GRM8: variants seen among roughly 807,000 people sequenced by gnomAD.
GRM8 encodes glutamate metabotropic receptor 8, also known as metabotropic glutamate receptor 8.
A neutral mutation model predicts 87.2 loss-of-function variants in GRM8; 47 were observed. The ratio of observed to expected loss-of-function variants is 0.54; its 90% CI spans 0.43 to 0.69. The LOEUF is 0.69. GRM8 is among the 30% of genes least tolerant of loss of function. GRM8 has a pLI of 0.00. For missense variants in GRM8, 1,019 were observed against 1,139.2 expected, an observed-to-expected ratio of 0.89 and a Z score of 1.52; for synonymous variants, 396 against 404.5, an observed-to-expected ratio of 0.98 and a Z score of 0.25.
At chr7:127,041,520 TA>T (rs1179348995) in intron 3 of GRM8, among the ~76,000 whole-genome samples, 1 of 152,236 alleles carries the variant, frequency 6.6e-6, no homozygotes, top group Non-Finnish European at 1.5e-5. Context: ...TAACAAAATG[TA>T]TTCTCTACCA....
intron 8 of GRM8, among the ~76,000 whole-genome samples, chr7:126,606,238 T>C (rs892688727): frequency 6.6e-6 from 1 of 152,128 alleles, no homozygotes; most frequent in African/African-American, 2.4e-5. Flanking sequence ...CAAACTCAAG[T>C]CCCTCTTCTA....
intron 7 of GRM8, among the ~76,000 whole-genome samples, chr7:126,747,619 C>T (rs1336433610): frequency 2.6e-5 from 4 of 151,972 alleles, no homozygotes; most frequent in African/African-American, 9.7e-5. Context: ...AACATATTAA[C>T]CAACCTTATT....
intron 2 of GRM8, among the ~76,000 whole-genome samples, chr7:127,143,443 ACTTG>A (rs1282663082): frequency 6.6e-6 from 1 of 152,092 alleles, no homozygotes; most frequent in African/African-American, 2.4e-5. Context: ...TCTCAAAATA[ACTTG>A]CTTATTTAAT....
chr7:126,653,128 T>C (rs1215161652), intron 7 of GRM8, among the ~76,000 whole-genome samples: 1 of 151,922 alleles, frequency 6.6e-6, no homozygotes, highest in African/African-American at 2.4e-5. Flanking sequence ...ATAGTGAGAA[T>C]ACATGTCTAC....
intron 7 of GRM8, among the ~76,000 whole-genome samples, chr7:126,757,151 T>C (rs1034417888): frequency 6.6e-6 from 1 of 152,204 alleles, no homozygotes; most frequent in Non-Finnish European, 1.5e-5. Context: ...AAATATATTT[T>C]ATCTTTATTA....
At chr7:126,910,670 C>G (rs2131287850) in intron 3 of GRM8, among the ~76,000 whole-genome samples, 1 of 152,232 alleles carries the variant, frequency 6.6e-6, no homozygotes, top group East Asian at 1.9e-4. Flanking sequence ...ACTACCTAGG[C>G]CTTAGTGTAT....
intron 6 of GRM8, among the ~76,000 whole-genome samples, chr7:126,823,040 A>G (rs1794448054): frequency 6.6e-6 from 1 of 152,240 alleles, no homozygotes; most frequent in South Asian, 2.1e-4. Flanking sequence ...GATTTATTTT[A>G]TGCCACCAAA....
At chr7:127,146,913 T>A (rs1349000490) in intron 2 of GRM8, among the ~76,000 whole-genome samples, 1 of 151,964 alleles carries the variant, frequency 6.6e-6, no homozygotes, top group Non-Finnish European at 1.5e-5. Flanking sequence ...AAAGAAAGGA[T>A]CTCCAACTTA....
At chr7:126,714,278 AAATAATAAT>A (rs143180604) in intron 7 of GRM8, among the ~76,000 whole-genome samples, 23,590 of 136,900 alleles carry the variant, frequency 0.17, 2,173 homozygotes, top group South Asian at 0.22. Context: ...ACTCCATCTC[AAATAATAAT>A]AATAATAATA....
chr7:127,204,037 A>ATAT (rs1795768498), intron 2 of GRM8, among the ~76,000 whole-genome samples: 1 of 152,246 alleles, frequency 6.6e-6, no homozygotes, highest in African/African-American at 2.4e-5. Context: ...AAAATGTATT[A>ATAT]TAGAATCTAA....
intron 8 of GRM8, among the ~76,000 whole-genome samples, chr7:126,561,331 C>T (rs1374684459): frequency 3.3e-5 from 5 of 151,968 alleles, no homozygotes; most frequent in Admixed American, 2.6e-4. Context: ...ATTAGCCGGG[C>T]GTGGTGGCTC....
At chr7:126,757,906 T>C (rs1444826305) in intron 7 of GRM8, among the ~76,000 whole-genome samples, 1 of 152,140 alleles carries the variant, frequency 6.6e-6, no homozygotes, top group Non-Finnish European at 1.5e-5. Context: ...TTTAGGTCAT[T>C]TTACTCCCAT....
At chr7:127,185,791 G>A (rs1794702637) in intron 2 of GRM8, among the ~76,000 whole-genome samples, 2 of 152,116 alleles carry the variant, frequency 1.3e-5, no homozygotes, top group South Asian at 2.1e-4. Context: ...GGTGATCCCA[G>A]CAAGAATCTA....
At chr7:126,914,535 T>A (rs1803673886) in intron 3 of GRM8, among the ~76,000 whole-genome samples, 1 of 152,254 alleles carries the variant, frequency 6.6e-6, no homozygotes, top group South Asian at 2.1e-4. Context: ...CCATCAGCAG[T>A]GGACTGGATA....
In GRM8 at chr7:126,620,245, G is replaced by T. The variant is rs532884496; in HGVS notation, c.1358-10747C>A. On this transcript the variant is annotated intron_variant, in intron 7 of 10. Transcript: ENST00000339582. ...TGAGGTTACAGTGAACTAGAATTGC[G>T]CTACTGCACTCCAACTCCAGGTGAC... Among the ~76,000 whole-genome samples, 39 of 152,092 alleles carry T rather than the reference G, an allele frequency of 2.6e-4. 1 individual carries two copies. The highest frequency in any genetic ancestry group is 4.9e-4 in the Non-Finnish European group (33 of 68,016).
chr7:126,972,773 T>G (rs1010641864), intron 3 of GRM8, among the ~76,000 whole-genome samples: 15 of 152,212 alleles, frequency 9.9e-5, no homozygotes, highest in African/African-American at 3.6e-4. Context: ...ATGTGGTCCT[T>G]CTAAAGCTCT....
At chr7:126,988,283 A>C (rs188464602) in intron 3 of GRM8, among the ~76,000 whole-genome samples, 1 of 152,246 alleles carries the variant, frequency 6.6e-6, no homozygotes, top group African/African-American at 2.4e-5. Context: ...GAGGATTTAG[A>C]TATACCATGA....
chr7:126,957,370 G>A (rs531584281), intron 3 of GRM8, among the ~76,000 whole-genome samples: 53 of 152,280 alleles, frequency 3.5e-4, no homozygotes, highest in African/African-American at 1.1e-3. Context: ...GGAAGGCTCC[G>A]CAGGAATAGG....
chr7:126,532,619 T>C (rs1198993944), intron 9 of GRM8, among the ~76,000 whole-genome samples: 1 of 151,936 alleles, frequency 6.6e-6, no homozygotes, highest in African/African-American at 2.4e-5. Context: ...TGTTAGCAGA[T>C]AGCAGAGCTG....
Sources: gnomAD v4.1 joint callset for allele counts (sites outside exome capture counted in the v4.1 genomes callset) on GRCh38, gnomAD v4.1.1 for gene constraint, MANE v1.5 for transcripts, NCBI Gene and HGNC (gene_info 2026-07-23, HGNC 2026-07-21) for gene names.